The following PAWR variants were observed in gnomAD, a reference collection of about 807,000 sequenced individuals.
PAWR encodes pro-apoptotic WT1 regulator, also known as PRKC apoptosis WT1 regulator protein.
In PAWR, 23 loss-of-function variants were observed where a neutral mutation model predicts 32.0. The ratio of observed to expected loss-of-function variants is 0.72; its 90% CI spans 0.52 to 1.02. The LOEUF (loss-of-function observed/expected upper bound fraction) is 1.02, where lower values mean the gene tolerates loss of function less well. PAWR is among the 50% of genes least tolerant of loss of function. The probability of loss-of-function intolerance (pLI) is 0.00; values close to 1 mark genes in which losing one functional copy is unlikely to be tolerated. For synonymous variants in PAWR, 226 were observed against 187.1 expected (o/e 1.21, Z -1.70); for missense variants, 457 against 437.7 (o/e 1.04, Z -0.39).
At position 79,689,788 on chromosome 12, in the gene PAWR, T is replaced by C; in HGVS notation, c.457A>G (p.Lys153Glu). 1 of 1,593,850 alleles carries C rather than the reference T, an allele frequency of 6.3e-7. No individual in the cohort carries two copies. The highest frequency in any genetic ancestry group is 8.5e-7 in the Non-Finnish European group (1 of 1,171,184). The change falls in exon 2 of 7, where the codon AAG becomes GAG. Residue 153 changes from lysine to glutamate, a missense_variant. By Grantham distance (56) the Lys-to-Glu change is moderately conservative (BLOSUM62 1). Coordinates refer to ENST00000328827, the MANE Select transcript of PAWR (RefSeq NM_002583.4). ...CGCCGCTTCTCCCGCAGCTTCCTCT[T>C]CTCGATCTGCCCCTTGCCTTTCCTG... Reference protein sequence around the residue: ...SARKGKGQIEKRKLREKRRST... With the variant: ...SARKGKGQIEERKLREKRRST...
intron 2 of PAWR, among the ~76,000 whole-genome samples, chr12:79,662,759 T>A (rs1473166545): frequency 1.3e-5 from 2 of 152,220 alleles, no homozygotes; most frequent in Non-Finnish European, 2.9e-5. Context: ...ATAAAGCCTA[T>A]CTACTTTTTC....
At chr12:79,605,198 ATAGTTTT>A (rs1458356967) in intron 4 of PAWR, among the ~76,000 whole-genome samples, 1 of 152,126 alleles carries the variant, frequency 6.6e-6, no homozygotes, top group Non-Finnish European at 1.5e-5. Flanking sequence ...GCAATATATT[ATAGTTTT>A]TAATCTATCT....
chr12:79,662,867 T>C (rs966585983), intron 2 of PAWR, among the ~76,000 whole-genome samples: 1 of 152,236 alleles, frequency 6.6e-6, no homozygotes, highest in Non-Finnish European at 1.5e-5. Flanking sequence ...TGCTAATTAT[T>C]AATCACAAGG....
At chr12:79,632,326 T>A (rs868241962) in intron 2 of PAWR, among the ~76,000 whole-genome samples, 1 of 33,314 alleles carries the variant, frequency 3.0e-5, no homozygotes, top group Non-Finnish European at 4.3e-5. Flanking sequence ...TATATATATA[T>A]ATATATATAT....
At chr12:79,615,136 G>A (rs1257747028) in intron 3 of PAWR, among the ~76,000 whole-genome samples, 2 of 152,284 alleles carry the variant, frequency 1.3e-5, no homozygotes, top group African/African-American at 4.8e-5. Flanking sequence ...GAGTAAGTCT[G>A]TCTTAATTAT....
intron 2 of PAWR, among the ~76,000 whole-genome samples, chr12:79,628,717 C>A (rs968107701): frequency 2.0e-5 from 3 of 151,926 alleles, no homozygotes; most frequent in African/African-American, 7.3e-5. Flanking sequence ...TGAAGAACAT[C>A]CAAAATGGTC....
At chr12:79,639,819 T>G (rs1212944848) in intron 2 of PAWR, among the ~76,000 whole-genome samples, 1 of 138,830 alleles carries the variant, frequency 7.2e-6, no homozygotes, top group Non-Finnish European at 1.5e-5. Context: ...CCATTCCTTT[T>G]CCTTTTCCTT....
intron 2 of PAWR, chr12:79,632,312 C>CATAT (rs71091677): frequency 8.6e-5 from 1 of 11,600 alleles, no homozygotes; most frequent in Non-Finnish European, 1.2e-4. Flanking sequence ...TATATACATA[C>CATAT]ATATATATAT....
At position 79,621,203 on chromosome 12, in the gene PAWR, A is replaced by G; in HGVS notation, c.521T>C (p.Leu174Ser). 6.3e-7 allele frequency: 1 copy of G among 1,594,842 alleles called. No individual in the cohort carries two copies. The highest frequency in any genetic ancestry group is 8.5e-7 in the Non-Finnish European group (1 of 1,175,340). Residue 174 changes from leucine (L) to serine (S), a missense_variant, in exon 3 of 7, where the codon TTA becomes TCA. Coordinates refer to ENST00000328827, the MANE Select transcript of PAWR (RefSeq NM_002583.4). ...TGCTTCATCATCTTCGTACTCATCT[A>G]AGCACTGAAAGAAAAAAAGAGTTTC... Reference protein sequence around the residue: ...GVVNIPAAECLDEYEDDEAGQ... With the variant: ...GVVNIPAAECSDEYEDDEAGQ...
At chr12:79,679,677 T>C (rs1227050234) in intron 2 of PAWR, among the ~76,000 whole-genome samples, 2 of 152,188 alleles carry the variant, frequency 1.3e-5, no homozygotes, top group Non-Finnish European at 2.9e-5. Context: ...GGGGATATGC[T>C]AGACTCAGCT....
rs115887282 is a variant in PAWR at position 79,664,137 on chromosome 12, A to C, written c.516+25592T>G. On this transcript the variant is annotated intron_variant, in intron 2 of 6. Coordinates refer to ENST00000328827, the MANE Select transcript of PAWR (RefSeq NM_002583.4). ...TGGGATTATTTATCACTATTCATAA[A>C]GGATTATTTTCTTAAAAGATGGACA... Among the ~76,000 whole-genome samples the C allele has an allele frequency of 4.9e-3, 739 of 152,348 alleles. 7 individuals carry two copies. Among genetic ancestry groups the C allele is most frequent in the African/African-American group, 0.017 (702 of 41,588 alleles).
At chr12:79,631,486 A>T (rs939284032) in intron 2 of PAWR, among the ~76,000 whole-genome samples, 1 of 152,228 alleles carries the variant, frequency 6.6e-6, no homozygotes, top group Non-Finnish European at 1.5e-5. Flanking sequence ...GCAAGATACA[A>T]AAATCAATTG....
intron 2 of PAWR, among the ~76,000 whole-genome samples, chr12:79,685,245 T>C (rs1878629145): frequency 6.6e-6 from 1 of 152,236 alleles, no homozygotes; most frequent in Admixed American, 6.5e-5. Flanking sequence ...TCTCAGTGTT[T>C]ACACTATATC....
In PAWR at chr12:79,618,125, C is replaced by CT. The variant is rs544047759; in HGVS notation, c.648+2950dup. On this transcript the variant is annotated intron_variant, in intron 3 of 6. Transcript: ENST00000328827. Reference sequence around the variant, plus strand: ...GAATTACCTCAAATACTCATCACTTCTTTTTTTTTTTGTTTCTTTTTTTGA... The same window carrying CT: ...GAATTACCTCAAATACTCATCACTTCTTTTTTTTTTTTGTTTCTTTTTTTGA... 1.4e-3 allele frequency among the ~76,000 whole-genome samples: 201 copies of CT among 145,958 alleles called. 1 individual carries two copies. The Middle Eastern group carries it at 0.029, about 21-fold the overall frequency.
At chr12:79,648,323 C>T (rs1876675988) in intron 2 of PAWR, among the ~76,000 whole-genome samples, 1 of 152,010 alleles carries the variant, frequency 6.6e-6, no homozygotes, top group Admixed American at 6.6e-5. Context: ...TCCTAATGTT[C>T]CTCTTATCCT....
chr12:79,686,822 AC>A (rs1480222746), intron 2 of PAWR, among the ~76,000 whole-genome samples: 1 of 152,206 alleles, frequency 6.6e-6, no homozygotes, highest in Non-Finnish European at 1.5e-5. Flanking sequence ...ATAAATAGTT[AC>A]ATGCTTCATT....
In PAWR at chr12:79,638,790, G is replaced by GGGGTGTGT. The variant is rs373489759; in HGVS notation, c.517-17584_517-17583insACACACCC. ...GTCCAAATGCTATCATTATATTTGGGGTGTGTGTGTGTGTGTGTGTGTGTG... is the reference window on the plus strand; with the variant it reads ...GTCCAAATGCTATCATTATATTTGGGGGGTGTGTGTGTGTGTGTGTGTGTGTGTGTGTG... On this transcript the variant is annotated intron_variant, in intron 2 of 6. Transcript: ENST00000328827. Among the ~76,000 whole-genome samples, 3 of 105,272 alleles carry GGGGTGTGT rather than the reference G, an allele frequency of 2.8e-5. No homozygotes were observed. In the East Asian group the frequency reaches 7.8e-4, roughly 27 times the overall value. The allele number at this position is 105,272 out of a possible 152,430, so 69.1% of individuals were successfully genotyped here.
At chr12:79,632,351 A>T (rs1197021274) in intron 2 of PAWR, among the ~76,000 whole-genome samples, 357 of 23,874 alleles carry the variant, frequency 0.015, 45 homozygotes, top group African/African-American at 0.11. Context: ...ATATATATAT[A>T]TATATATATA....
At chr12:79,601,912 A>T (rs1399624258) in intron 4 of PAWR, among the ~76,000 whole-genome samples, 3 of 152,272 alleles carry the variant, frequency 2.0e-5, no homozygotes, top group Non-Finnish European at 1.5e-5. Flanking sequence ...AATCAGCGTA[A>T]TTTTTCTTAA....
Sources: gnomAD v4.1 joint callset for allele counts (sites outside exome capture counted in the v4.1 genomes callset) on GRCh38, gnomAD v4.1.1 for gene constraint, MANE v1.5 for transcripts, NCBI Gene and HGNC (gene_info 2026-07-23, HGNC 2026-07-21) for gene names.